Variants in NAA15 observed in about 807,000 individuals in gnomAD.
The protein encoded by NAA15 is N-alpha-acetyltransferase 15, NatA auxiliary subunit.
NAA15 carries 34 observed loss-of-function variants against 114.0 expected under a neutral mutation model. That is an observed-to-expected ratio of 0.30 (90% confidence interval 0.23 to 0.40). The LOEUF (loss-of-function observed/expected upper bound fraction) is 0.40, where lower values mean the gene tolerates loss of function less well. Ranked by LOEUF, NAA15 falls within the 10% of genes least tolerant of loss-of-function variation. The pLI is 1.00. For missense variants in NAA15, 658 were observed against 1,004.5 expected, an observed-to-expected ratio of 0.66 and a Z score of 4.66; for synonymous variants, 340 against 338.0, an observed-to-expected ratio of 1.01 and a Z score of -0.06.
intron 1 of NAA15, among the ~76,000 whole-genome samples, chr4:139,321,015 T>C (rs1005353351): frequency 2.0e-5 from 3 of 152,220 alleles, no homozygotes; most frequent in African/African-American, 7.2e-5. Context: ...CTGTGCACTT[T>C]TGTGACTGTG....
chr4:139,353,974 T>C, intron 9 of NAA15, 52 bp from the exon 10 acceptor site: 1 of 1,400,254 alleles, frequency 7.1e-7, no homozygotes, highest in Admixed American at 1.7e-5. Context: ...TGCATAAGAA[T>C]AGTAAATGTG....
chr4:139,384,162 G>A (rs902275672), intron 17 of NAA15, among the ~76,000 whole-genome samples: 4 of 152,186 alleles, frequency 2.6e-5, no homozygotes, highest in African/African-American at 9.7e-5. Flanking sequence ...ACATTAGATT[G>A]TTCTGCTGAC....
intron 1 of NAA15, among the ~76,000 whole-genome samples, chr4:139,323,570 A>G (rs1184092844): frequency 1.3e-5 from 2 of 152,122 alleles, no homozygotes; most frequent in Non-Finnish European, 2.9e-5. Flanking sequence ...AGCAGTTTCT[A>G]ATTCTCATAT....
At chr4:139,358,577 T>A (rs997184453) in intron 11 of NAA15, among the ~76,000 whole-genome samples, 4 of 152,150 alleles carry the variant, frequency 2.6e-5, no homozygotes, top group Non-Finnish European at 5.9e-5. Flanking sequence ...ATACTTTAAG[T>A]TCTAGGGTAC....
At chr4:139,385,626 G>T (rs540419249) in intron 18 of NAA15, among the ~76,000 whole-genome samples, 222 of 152,198 alleles carry the variant, frequency 1.5e-3, no homozygotes, top group African/African-American at 5.2e-3. Flanking sequence ...CTGTGCCAAT[G>T]AGCCAAAATC....
intron 1 of NAA15, among the ~76,000 whole-genome samples, chr4:139,333,324 T>A (rs1747087525): frequency 6.6e-6 from 1 of 152,230 alleles, no homozygotes; most frequent in African/African-American, 2.4e-5. Flanking sequence ...GTCTTCTAGA[T>A]TTCAACAGTA....
intron 1 of NAA15, among the ~76,000 whole-genome samples, chr4:139,328,783 G>T (rs1242537003): frequency 6.6e-6 from 1 of 151,096 alleles, no homozygotes; most frequent in Non-Finnish European, 1.5e-5. Context: ...GGCCAGGATG[G>T]TCTCAATCTC....
chr4:139,310,733 C>T (rs1746195243), intron 1 of NAA15, among the ~76,000 whole-genome samples: 1 of 151,680 alleles, frequency 6.6e-6, no homozygotes, highest in Non-Finnish European at 1.5e-5. Context: ...ATTCTCCTGC[C>T]TCAGCTTCCT....
At chr4:139,385,308 T>TATATAATATATATTATATAA (rs1489273737) in intron 18 of NAA15, among the ~76,000 whole-genome samples, 6 of 91,854 alleles carry the variant, frequency 6.5e-5, no homozygotes, top group East Asian at 2.5e-4. Flanking sequence ...ATAATATATA[T>TATATAATATATATTATATAA]TATATATATA....
chr4:139,308,172 A>G (rs890929364), intron 1 of NAA15, among the ~76,000 whole-genome samples: 7 of 152,088 alleles, frequency 4.6e-5, no homozygotes, highest in Admixed American at 2.6e-4. Context: ...CGTGTTAGCC[A>G]GGATGGTCTC....
intron 1 of NAA15, among the ~76,000 whole-genome samples, chr4:139,315,488 A>C (rs1048254551): frequency 6.6e-6 from 1 of 151,886 alleles, no homozygotes; most frequent in African/African-American, 2.4e-5. Context: ...ACTGCACTCC[A>C]GCCTGAGTGA....
At chr4:139,374,458 G>A (rs1748527817) in intron 15 of NAA15, among the ~76,000 whole-genome samples, 1 of 152,120 alleles carries the variant, frequency 6.6e-6, no homozygotes, top group African/African-American at 2.4e-5. Flanking sequence ...GTTCTTGTGT[G>A]CTTATCTTGG....
chr4:139,324,372 T>G (rs1579093255), intron 1 of NAA15, among the ~76,000 whole-genome samples: 1 of 152,216 alleles, frequency 6.6e-6, no homozygotes, highest in East Asian at 1.9e-4. Flanking sequence ...ACTCTGGCAT[T>G]TCTTCCATAG....
chr4:139,375,919 A>T (rs951944712), intron 15 of NAA15, among the ~76,000 whole-genome samples: 1 of 151,594 alleles, frequency 6.6e-6, no homozygotes, highest in African/African-American at 2.4e-5. Context: ...GAACAAAGCA[A>T]GACAGAATGG....
At chr4:139,308,169 G>T (rs1422379045) in intron 1 of NAA15, among the ~76,000 whole-genome samples, 1 of 151,982 alleles carries the variant, frequency 6.6e-6, no homozygotes, top group Non-Finnish European at 1.5e-5. Context: ...CACCGTGTTA[G>T]CCAGGATGGT....
At chr4:139,314,405 T>C (rs1174427615) in intron 1 of NAA15, among the ~76,000 whole-genome samples, 1 of 151,944 alleles carries the variant, frequency 6.6e-6, no homozygotes, top group Non-Finnish European at 1.5e-5. Context: ...ATTTAAAATG[T>C]TAAAAATGCT....
chr4:139,308,176 T>C (rs1364001654), intron 1 of NAA15, among the ~76,000 whole-genome samples: 2 of 152,118 alleles, frequency 1.3e-5, no homozygotes, highest in Non-Finnish European at 2.9e-5. Flanking sequence ...TTAGCCAGGA[T>C]GGTCTCGATC....
At chr4:139,314,147 TAC>T (rs1482757919) in intron 1 of NAA15, among the ~76,000 whole-genome samples, 1 of 151,946 alleles carries the variant, frequency 6.6e-6, no homozygotes, top group Non-Finnish European at 1.5e-5. Context: ...TCTGAAGGAT[TAC>T]AGTTTGTAAA....
intron 1 of NAA15, among the ~76,000 whole-genome samples, chr4:139,320,822 C>G (rs1269449040): frequency 2.0e-5 from 3 of 152,054 alleles, no homozygotes; most frequent in Non-Finnish European, 4.4e-5. Flanking sequence ...CGTCTGGCCT[C>G]CCTGGTGTTT....
Sources: gnomAD v4.1 joint callset for allele counts (sites outside exome capture counted in the v4.1 genomes callset) on GRCh38, gnomAD v4.1.1 for gene constraint, MANE v1.5 for transcripts, NCBI Gene and HGNC (gene_info 2026-07-23, HGNC 2026-07-21) for gene names.